POGZ: variants seen among roughly 807,000 people sequenced by gnomAD.
The protein encoded by POGZ is pogo transposable element with ZNF domain.
POGZ carries 17 observed loss-of-function variants against 134.6 expected under a neutral mutation model. The ratio of observed to expected loss-of-function variants is 0.13; its 90% CI spans 0.09 to 0.19. The LOEUF (loss-of-function observed/expected upper bound fraction) is 0.19, where lower values mean the gene tolerates loss of function less well. Among genes scored for constraint, POGZ ranks in the 10% least tolerant of loss-of-function variants. The pLI, the probability that POGZ is intolerant of heterozygous loss-of-function variation, is 1.00. For synonymous variants in POGZ, 693 were observed against 657.1 expected (o/e 1.05, Z -0.84); for missense variants, 1,306 against 1,769.7 (o/e 0.74, Z 4.70).
intron 1 of POGZ, among the ~76,000 whole-genome samples, chr1:151,455,755 T>G (rs1000596730): frequency 1.1e-4 from 17 of 152,236 alleles, no homozygotes; most frequent in African/African-American, 4.1e-4. Context: ...CAGTTACTTC[T>G]GCATTCAGTC....
In POGZ at chr1:151,403,139, G is replaced by C; in HGVS notation, c.*1663C>G. The C allele has an allele frequency of 1.2e-6, 1 of 831,044 alleles. No individual in the cohort carries two copies. The highest frequency in any genetic ancestry group is 1.5e-6 in the Non-Finnish European group (1 of 688,884). 51.5% of individuals were successfully genotyped at this position (831,044 alleles called of 1,614,324 possible). On this transcript the variant is annotated 3_prime_UTR_variant, in exon 19 of 19. Coordinates refer to ENST00000271715, the MANE Select transcript of POGZ (RefSeq NM_015100.4). ...TTTTCAGATGTCAAAGGTTCACAAAGCTGGCCAAGCTGTTTCTGGAAGGGA... is the reference window on the plus strand; with the variant it reads ...TTTTCAGATGTCAAAGGTTCACAAACCTGGCCAAGCTGTTTCTGGAAGGGA...
At position 151,403,542 on chromosome 1, in the gene POGZ, C is replaced by A; in HGVS notation, c.*1260G>T. The A allele has an allele frequency of 1.0e-6, 1 of 985,408 alleles. No homozygotes were observed. Among genetic ancestry groups the A allele is most frequent in the Non-Finnish European group, 1.2e-6 (1 of 829,588 alleles). The allele number at this position is 985,408 out of a possible 1,614,324, so 61.0% of individuals were successfully genotyped here. On this transcript the variant is annotated 3_prime_UTR_variant, in exon 19 of 19. Coordinates refer to ENST00000271715, the MANE Select transcript of POGZ (RefSeq NM_015100.4). The stretch of plus-strand genomic sequence containing the variant: ...CGGTACAGTACGTTTTGGTTTACAA[C>A]CATGAGTACATACAATTAAAAAAAT...
chr1:151,446,147 A>C (rs973994564), intron 1 of POGZ, among the ~76,000 whole-genome samples: 1 of 138,604 alleles, frequency 7.2e-6, no homozygotes, highest in Non-Finnish European at 1.5e-5. Context: ...CAGTGTTAAC[A>C]TGTATATCCA....
In POGZ at chr1:151,404,475, AT is replaced by A. The variant is rs552957484; in HGVS notation, c.*326del. On this transcript the variant is annotated 3_prime_UTR_variant, in exon 19 of 19. Transcript: ENST00000271715. ...AAAATTTAACATTTGCCCACAAATAATTTTTTTTCTTTTTCTTAATTTTGTC... is the reference window on the plus strand; with the variant it reads ...AAAATTTAACATTTGCCCACAAATAATTTTTTTCTTTTTCTTAATTTTGTC... The A allele has an allele frequency of 6.4e-4, 658 of 1,026,508 alleles. No individual in the cohort carries two copies. The African/African-American group carries it at 7.0e-3, about 11-fold the overall frequency. The allele number at this position is 1,026,508 out of a possible 1,614,324, so 63.6% of individuals were successfully genotyped here.
rs565118207 is a variant in POGZ, at chr1:151,440,785, A to G, written c.283+143T>C. Reference sequence around the variant, plus strand: ...CACCATCTACAGAAATCACTTCCGTATCAGAGAATCATTACTAAATTCATT... The same window carrying G: ...CACCATCTACAGAAATCACTTCCGTGTCAGAGAATCATTACTAAATTCATT... On this transcript the variant is annotated intron_variant, in intron 3 of 18. Coordinates refer to ENST00000271715, the MANE Select transcript of POGZ (RefSeq NM_015100.4). 20 of 646,980 alleles carry G rather than the reference A, an allele frequency of 3.1e-5. No individual in the cohort carries two copies. The South Asian group carries it at 4.3e-4, about 14-fold the overall frequency. 40.1% of individuals were successfully genotyped at this position (646,980 alleles called of 1,614,324 possible).
chr1:151,406,584 A>G (rs758593425), intron 18 of POGZ, 23 bp downstream of exon 18: 1 of 1,607,608 alleles, frequency 6.2e-7, no homozygotes, highest in Admixed American at 1.7e-5. Flanking sequence ...CAGAAATTAA[A>G]TTGTGAGGTG....
At chr1:151,438,054 C>G (rs2102348066) in intron 3 of POGZ, among the ~76,000 whole-genome samples, 1 of 151,790 alleles carries the variant, frequency 6.6e-6, no homozygotes, top group Admixed American at 6.6e-5. Context: ...ACTAAAATCA[C>G]AAAAAACACA....
intron 10 of POGZ, among the ~76,000 whole-genome samples, chr1:151,416,060 T>C (rs1415051267): frequency 6.8e-6 from 1 of 147,554 alleles, no homozygotes; most frequent in Non-Finnish European, 1.5e-5. Context: ...ATACAAAAAT[T>C]AGCCGGGTGT....
At chr1:151,458,766 G>A (rs1663106240) in intron 1 of POGZ, among the ~76,000 whole-genome samples, 2 of 145,676 alleles carry the variant, frequency 1.4e-5, no homozygotes. Context: ...CGCGCCGAGC[G>A]TGCGTGTGGA....
At chr1:151,458,873 G>A (rs1226390490) in intron 1 of POGZ, among the ~76,000 whole-genome samples, 2 of 145,138 alleles carry the variant, frequency 1.4e-5, no homozygotes, top group Non-Finnish European at 3.1e-5. Context: ...GGCAGGCAGG[G>A]ACCTCCGCCG....
In POGZ at chr1:151,405,738, C is replaced by A; in HGVS notation, c.3297G>T (p.Glu1099Asp). The A allele has an allele frequency of 6.2e-7, 1 of 1,614,228 alleles. No homozygotes were observed. The highest frequency in any genetic ancestry group is 8.5e-7 in the Non-Finnish European group (1 of 1,180,032). The part of the protein sequence containing the change: ...VAHTLPKDVA[E>D]NAGLFIDFVQ... ...CAAAATCAATGAAGAGTCCTGCATTCTCTGCTACATCCTTAGGTAGGGTGT... is the reference window on the plus strand; with the variant it reads ...CAAAATCAATGAAGAGTCCTGCATTATCTGCTACATCCTTAGGTAGGGTGT... The change falls in exon 19 of 19, where the codon GAG (glutamate) becomes GAT (aspartate). Residue 1099 changes from glutamate to aspartate, a missense_variant. By Grantham distance (45) the Glu-to-Asp change is conservative. Around this residue, in one of 10 missense-constraint regions of POGZ, gnomAD observed 161 missense variants for 185.4 expected, o/e 0.87. Transcript: ENST00000271715. This position sits in a 1 kb window ranked among gnomAD's most constrained non-coding sequence, Gnocchi z 4.9.
chr1:151,425,096 CA>C, intron 7 of POGZ, 35 bp from the exon 8 acceptor site: 2 of 1,080,976 alleles, frequency 1.9e-6, no homozygotes, highest in Middle Eastern at 4.0e-4. Flanking sequence ...AAGATTAATA[CA>C]ATGACACTGG....
chr1:151,447,921 C>T (rs1446050282), intron 1 of POGZ, among the ~76,000 whole-genome samples: 1 of 152,002 alleles, frequency 6.6e-6, no homozygotes, highest in East Asian at 1.9e-4. Flanking sequence ...AAAATCTTTG[C>T]TGATAGTCAA....
intron 1 of POGZ, among the ~76,000 whole-genome samples, chr1:151,458,856 G>A (rs955347991): frequency 2.1e-5 from 3 of 145,356 alleles, no homozygotes; most frequent in Non-Finnish European, 3.1e-5. Flanking sequence ...GGGGCGGCCG[G>A]CCAGCCGGCA....
At chr1:151,432,532 C>T (rs761136349) in intron 3 of POGZ, among the ~76,000 whole-genome samples, 3 of 152,146 alleles carry the variant, frequency 2.0e-5, no homozygotes, top group Non-Finnish European at 4.4e-5. Flanking sequence ...GGCAATTTAT[C>T]TATGGTGGGT....
In POGZ at chr1:151,430,776, G is replaced by A. The variant is rs1658549253; in HGVS notation, c.349C>T (p.Leu117=). The A allele has an allele frequency of 6.3e-7, 1 of 1,599,054 alleles. No individual in the cohort carries two copies. The highest frequency in any genetic ancestry group is 8.5e-7 in the Non-Finnish European group (1 of 1,174,140). Residue 117 remains leucine (L), a synonymous_variant, in exon 4 of 19, where the codon CTG becomes TTG. Coordinates refer to ENST00000271715, the MANE Select transcript of POGZ (RefSeq NM_015100.4). Reference sequence around the variant, plus strand: ...ACTGGTTGAGTAACCATTGTGCCCAGACCTGGGGCTGGATTCTGGGTCAGG... The same window carrying A: ...ACTGGTTGAGTAACCATTGTGCCCAAACCTGGGGCTGGATTCTGGGTCAGG... The part of the protein sequence containing the change: ...LILTQNPAPG[L]GTMVTQPVLR...
At chr1:151,422,558 A>G (rs1010362777) in intron 10 of POGZ, among the ~76,000 whole-genome samples, 2 of 152,024 alleles carry the variant, frequency 1.3e-5, no homozygotes, top group African/African-American at 2.4e-5. Flanking sequence ...ATTTCACTGA[A>G]AGCACTGTCT....
At chr1:151,412,869 T>G (rs1434223630) in intron 10 of POGZ, among the ~76,000 whole-genome samples, 2 of 152,162 alleles carry the variant, frequency 1.3e-5, no homozygotes, top group Non-Finnish European at 2.9e-5. Flanking sequence ...CCACTGCTAA[T>G]CAGCTGGCCT....
intron 3 of POGZ, among the ~76,000 whole-genome samples, chr1:151,434,688 T>C (rs1189785532): frequency 6.6e-6 from 1 of 151,972 alleles, no homozygotes; most frequent in Non-Finnish European, 1.5e-5. Context: ...GTTCAAGTGA[T>C]TCCCCTGCCT....
Sources: gnomAD v4.1 joint callset for allele counts (sites outside exome capture counted in the v4.1 genomes callset) on GRCh38, gnomAD v4.1.1 for gene constraint, gnomAD v4.1.1 regional missense constraint, Gnocchi (gnomAD v3.1) non-coding constraint, MANE v1.5 for transcripts, NCBI Gene and HGNC (gene_info 2026-07-23, HGNC 2026-07-21) for gene names.